The following CDO1 variants were observed in gnomAD, a reference collection of about 807,000 sequenced individuals.
The protein encoded by CDO1 is cysteine dioxygenase, type I.
CDO1 carries 19 observed loss-of-function variants against 24.5 expected under a neutral mutation model. That is an observed-to-expected ratio of 0.77 (90% confidence interval 0.54 to 1.14). The LOEUF (loss-of-function observed/expected upper bound fraction) is 1.14. Among genes scored for constraint, CDO1 ranks in the 50% most tolerant of loss-of-function variants. The probability of loss-of-function intolerance (pLI) is 0.00; values close to 1 mark genes in which losing one functional copy is unlikely to be tolerated. For missense variants in CDO1, 244 were observed against 244.8 expected (o/e 1.00, Z 0.02); for synonymous variants, 91 against 87.0 (o/e 1.05, Z -0.26).
intron 2 of CDO1, among the ~76,000 whole-genome samples, chr5:115,812,607 A>G (rs932151099): frequency 1.3e-5 from 2 of 152,184 alleles, no homozygotes; most frequent in African/African-American, 2.4e-5. Flanking sequence ...AAAACAGAGT[A>G]TGGTTAACTT....
rs563853088 is a variant in CDO1, at chr5:115,807,977, T to A, written c.404-1459A>T. ...AAATCAGAATGGGACCAGGTTTTTTTAAAAAAAAACAAAAAAAACAAAAAC... is the reference window on the plus strand; with the variant it reads ...AAATCAGAATGGGACCAGGTTTTTTAAAAAAAAAACAAAAAAAACAAAAAC... On this transcript the variant is annotated intron_variant, in intron 3 of 4. Coordinates refer to ENST00000250535, the MANE Select transcript of CDO1 (RefSeq NM_001801.3). Among the ~76,000 whole-genome samples the A allele has an allele frequency of 7.8e-4, 116 of 149,594 alleles. 1 individual carries two copies. The highest frequency in any genetic ancestry group is 1.3e-3 in the Non-Finnish European group (85 of 67,500).
chr5:115,809,233 T>C (rs1243824508), intron 3 of CDO1, among the ~76,000 whole-genome samples: 1 of 152,132 alleles, frequency 6.6e-6, no homozygotes, highest in Non-Finnish European at 1.5e-5. Context: ...AATCCAGGCA[T>C]TATTATTATA....
At chr5:115,807,742 T>TA (rs575190564) in intron 3 of CDO1, among the ~76,000 whole-genome samples, 6 of 150,090 alleles carry the variant, frequency 4.0e-5, no homozygotes, top group African/African-American at 7.3e-5. Flanking sequence ...GAAACAGAAT[T>TA]AAAAAAAAAT....
intron 3 of CDO1, among the ~76,000 whole-genome samples, chr5:115,810,814 C>T (rs1231791759): frequency 6.6e-6 from 1 of 152,158 alleles, no homozygotes; most frequent in African/African-American, 2.4e-5. Context: ...AGTTACAGAA[C>T]ATTTTGTTCT....
At chr5:115,811,675 T>C (rs371209602) in intron 2 of CDO1, among the ~76,000 whole-genome samples, 3 of 152,336 alleles carry the variant, frequency 2.0e-5, no homozygotes, top group East Asian at 3.9e-4. Context: ...AATTTGATTA[T>C]GAAAGTACAT....
In CDO1 at chr5:115,806,424, G is replaced by C; in HGVS notation, c.498C>G (p.Ala166=). The part of the protein sequence containing the change: ...LYSPPFDTCH[A]FDQRTGHKNK... Reference sequence around the variant, plus strand: ...TTTTATGTCCTGTTCTTTGATCAAAGGCATGGCATGTATCAAAAGGTGGAC... The same window carrying C: ...TTTTATGTCCTGTTCTTTGATCAAACGCATGGCATGTATCAAAAGGTGGAC... The change falls in exon 4 of 5, where the codon GCC becomes GCG. Residue 166 remains alanine (A), a synonymous_variant. Transcript: ENST00000250535. The C allele has an allele frequency of 6.2e-7, 1 of 1,612,240 alleles. No homozygotes were observed. Among genetic ancestry groups the C allele is most frequent in the Non-Finnish European group, 8.5e-7 (1 of 1,179,332 alleles).
At chr5:115,811,055 G>C in intron 3 of CDO1, 106 bp downstream of exon 3, 1 of 1,036,232 alleles carries the variant, frequency 9.7e-7, no homozygotes, top group Non-Finnish European at 1.4e-6. Context: ...TTTAAATCAT[G>C]ACTCATGATC....
At chr5:115,808,681 C>G (rs1486786537) in intron 3 of CDO1, among the ~76,000 whole-genome samples, 1 of 151,988 alleles carries the variant, frequency 6.6e-6, no homozygotes, top group Non-Finnish European at 1.5e-5. Flanking sequence ...TCAAGAGGCC[C>G]TGGGAGAGAG....
intron 3 of CDO1, among the ~76,000 whole-genome samples, chr5:115,807,991 A>C (rs1026427640): frequency 6.6e-6 from 1 of 151,302 alleles, no homozygotes; most frequent in Admixed American, 6.6e-5. Context: ...AAAAAACAAA[A>C]AAAACAAAAA....
chr5:115,811,015 C>G lies in CDO1; in HGVS notation c.403+146G>C, dbSNP rs914369906. The stretch of plus-strand genomic sequence containing the variant: ...AGATACAAAGGCTTAAAAAACAAAA[C>G]CTGCTATGTTTAAGTCATTTCCCAA... On this transcript the variant is annotated intron_variant, in intron 3 of 4. Coordinates refer to ENST00000250535, the MANE Select transcript of CDO1 (RefSeq NM_001801.3). 1.6e-4 allele frequency: 123 copies of G among 784,306 alleles called. No homozygotes were observed. In the African/African-American group the frequency reaches 2.0e-3, roughly 13 times the overall value. The allele number at this position is 784,306 out of a possible 1,614,324, so 48.6% of individuals were successfully genotyped here.
intron 2 of CDO1, among the ~76,000 whole-genome samples, chr5:115,812,561 T>G (rs772240239): frequency 2.0e-5 from 3 of 152,216 alleles, no homozygotes; most frequent in African/African-American, 7.2e-5. Flanking sequence ...AAATGTCAAG[T>G]GTAAACACAA....
chr5:115,806,279 T>C, intron 4 of CDO1, 70 bp downstream of exon 4: 2 of 1,026,162 alleles, frequency 1.9e-6, no homozygotes, highest in South Asian at 1.8e-5. Flanking sequence ...ACTCATCTCA[T>C]TCTTTGCATA....
In CDO1 at chr5:115,816,219, C is replaced by CG; in HGVS notation, c.170+8dup. On this transcript the variant is annotated intron_variant, in intron 1 of 4. Coordinates refer to ENST00000250535, the MANE Select transcript of CDO1 (RefSeq NM_001801.3). Reference sequence around the variant, plus strand: ...GCGCCGCCTGGCATTGAAGCTGCAGCGCGCTCACCTGTACTGGTCGAACTT... The same window carrying CG: ...GCGCCGCCTGGCATTGAAGCTGCAGCGGCGCTCACCTGTACTGGTCGAACTT... The CG allele has an allele frequency of 6.2e-7, 1 of 1,609,848 alleles. No homozygotes were observed. The highest frequency in any genetic ancestry group is 8.5e-7 in the Non-Finnish European group (1 of 1,177,416).
intron 3 of CDO1, among the ~76,000 whole-genome samples, chr5:115,810,608 A>G (rs1580540865): frequency 6.6e-6 from 1 of 152,256 alleles, no homozygotes; most frequent in East Asian, 1.9e-4. Context: ...CCTTTTAGGA[A>G]TATGGAAATT....
At chr5:115,814,324 C>G (rs1203345535) in intron 1 of CDO1, 1 of 152,188 alleles carries the variant, frequency 6.6e-6, no homozygotes, top group Non-Finnish European at 1.5e-5. Flanking sequence ...CAGAAGGATC[C>G]TAATTCTTCC....
Position 115,806,453 on chromosome 5 carries a change from A to G in CDO1, c.469T>C (p.Tyr157His). 6.2e-7 allele frequency: 1 copy of G among 1,612,312 alleles called. No individual in the cohort carries two copies. Among genetic ancestry groups the G allele is most frequent in the East Asian group, 2.2e-5 (1 of 44,786 alleles). ...HTEPAVSLHL[Y>H]SPPFDTCHAF... ...TGGCATGTATCAAAAGGTGGACTGT[A>G]CAAGTGAAGGCTCACAGCAGGTTCC... The change falls in exon 4 of 5, where the codon TAC becomes CAC. Residue 157 changes from tyrosine (Y) to histidine (H), a missense_variant. Transcript: ENST00000250535.
Position 115,816,473 on chromosome 5 carries a change from G to C in CDO1, c.-76C>G. The C allele has an allele frequency of 5.2e-6, 8 of 1,538,530 alleles. No individual in the cohort carries two copies. Among genetic ancestry groups the C allele is most frequent in the Non-Finnish European group, 7.1e-6 (8 of 1,128,350 alleles). ...GAGCTGAGCGAGCCAAGGAGCTGGG[G>C]GCGAGGGAGCCTAACAGCCCGCTAG... On this transcript the variant is annotated 5_prime_UTR_variant, in exon 1 of 5. Coordinates refer to ENST00000250535, the MANE Select transcript of CDO1 (RefSeq NM_001801.3).
chr5:115,813,047 C>CAAAAAAA (rs1011228490), intron 2 of CDO1, 134 bp downstream of exon 2: 5 of 152,742 alleles, frequency 3.3e-5, no homozygotes, highest in Admixed American at 1.6e-4. Flanking sequence ...ACCACTGTCT[C>CAAAAAAA]AAAAAAAAAA....
intron 3 of CDO1, among the ~76,000 whole-genome samples, chr5:115,810,227 T>C (rs1000579373): frequency 6.6e-6 from 1 of 152,168 alleles, no homozygotes; most frequent in African/African-American, 2.4e-5. Flanking sequence ...TCCTGCCACA[T>C]AGGAAACTAA....
Sources: allele counts gnomAD v4.1 joint callset (sites outside exome capture counted in the v4.1 genomes callset), GRCh38; gene constraint gnomAD v4.1.1; transcripts MANE v1.5; gene names NCBI Gene and HGNC (gene_info 2026-07-23, HGNC 2026-07-21).